Variants in PSD3 observed in about 807,000 individuals in gnomAD.
PSD3 encodes the protein pleckstrin and Sec7 domain containing 3, also known as PH and SEC7 domain-containing protein 3.
A neutral mutation model predicts 105.5 loss-of-function variants in PSD3; 49 were observed. That is an observed-to-expected ratio of 0.46 (90% CI 0.37 to 0.59). The LOEUF is 0.59. Among genes scored for constraint, PSD3 ranks in the 20% least tolerant of loss-of-function variants. The pLI, the probability that PSD3 is intolerant of heterozygous loss-of-function variation, is 0.00. For synonymous variants in PSD3, 557 were observed against 457.8 expected (o/e 1.22, Z -2.77); for missense variants, 1,561 against 1,263.8 (o/e 1.24, Z -3.57).
intron 2 of PSD3, among the ~76,000 whole-genome samples, chr8:18,880,947 G>A (rs1170561860): frequency 6.6e-6 from 1 of 152,138 alleles, no homozygotes; most frequent in Non-Finnish European, 1.5e-5. Context: ...TCCCCTTAAA[G>A]AAATGAAAAT....
intron 9 of PSD3, among the ~76,000 whole-genome samples, chr8:18,676,668 C>T (rs1363156386): frequency 6.6e-6 from 1 of 152,200 alleles, no homozygotes; most frequent in Non-Finnish European, 1.5e-5. Context: ...ACTATTACAA[C>T]CAGATATGCT....
At chr8:18,836,751 A>G (rs985836421) in intron 4 of PSD3, among the ~76,000 whole-genome samples, 2 of 152,168 alleles carry the variant, frequency 1.3e-5, no homozygotes, top group African/African-American at 4.8e-5. Flanking sequence ...TGCAAATGCT[A>G]TGACAATAAT....
chr8:19,026,701 C>CAAAAAAAAA (rs10669321), intron 1 of PSD3, among the ~76,000 whole-genome samples: 6 of 82,234 alleles, frequency 7.3e-5, no homozygotes, highest in Non-Finnish European at 9.1e-5. Flanking sequence ...CACATCTCTA[C>CAAAAAAAAA]AAAAAAAAAA....
chr8:18,743,619 T>C (rs1804750065), intron 9 of PSD3, among the ~76,000 whole-genome samples: 1 of 152,030 alleles, frequency 6.6e-6, no homozygotes, highest in African/African-American at 2.4e-5. Flanking sequence ...TGGAGTGAAG[T>C]TCCCTGGATA....
intron 9 of PSD3, among the ~76,000 whole-genome samples, chr8:18,668,353 G>A (rs1309639885): frequency 1.3e-5 from 2 of 152,154 alleles, no homozygotes; most frequent in Non-Finnish European, 2.9e-5. Flanking sequence ...TTCATGTTTC[G>A]CCTGGTATTT....
intron 9 of PSD3, among the ~76,000 whole-genome samples, chr8:18,706,878 A>C (rs1801936322): frequency 6.6e-6 from 1 of 152,228 alleles, no homozygotes; most frequent in African/African-American, 2.4e-5. Flanking sequence ...GTCCTGGTTA[A>C]ACCAGCTTAG....
intron 12 of PSD3, among the ~76,000 whole-genome samples, chr8:18,590,648 G>A (rs1290343205): frequency 6.6e-6 from 1 of 152,068 alleles, no homozygotes; most frequent in Non-Finnish European, 1.5e-5. Context: ...AAAGAGATAT[G>A]TGCATGTGTG....
intron 11 of PSD3, among the ~76,000 whole-genome samples, chr8:18,615,931 T>A (rs987253527): frequency 6.6e-6 from 1 of 152,384 alleles, no homozygotes; most frequent in East Asian, 1.9e-4. Context: ...ATCTTTAAAA[T>A]GCCTCCGGGC....
At chr8:19,067,144 G>A (rs1020079524) in intron 1 of PSD3, among the ~76,000 whole-genome samples, 5 of 152,166 alleles carry the variant, frequency 3.3e-5, no homozygotes, top group Non-Finnish European at 5.9e-5. Context: ...ATCAGTTTGC[G>A]GGAACTGTAA....
chr8:18,742,382 T>G (rs75864135), intron 9 of PSD3, among the ~76,000 whole-genome samples: 5,211 of 152,082 alleles, frequency 0.034, 209 homozygotes, highest in East Asian at 0.15. Flanking sequence ...TCAGGCTGAG[T>G]TCTCTAGTAA....
At chr8:18,552,323 C>T (rs1800815119) in intron 15 of PSD3, among the ~76,000 whole-genome samples, 2 of 152,298 alleles carry the variant, frequency 1.3e-5, no homozygotes, top group East Asian at 1.9e-4. Flanking sequence ...TCATCTTAAA[C>T]GTTGCATCTG....
intron 1 of PSD3, among the ~76,000 whole-genome samples, chr8:19,067,365 G>T (rs748924695): frequency 3.3e-5 from 5 of 152,108 alleles, no homozygotes; most frequent in Non-Finnish European, 5.9e-5. Flanking sequence ...CTCATCCAAG[G>T]CTTCATTTGA....
At chr8:18,572,474 C>A (rs1038669992) in intron 14 of PSD3, 54 bp downstream of exon 14, 212 of 1,576,054 alleles carry the variant, frequency 1.3e-4, no homozygotes, top group Non-Finnish European at 1.8e-4. Flanking sequence ...ATATTTATCA[C>A]ATTATTTTAC....
intron 9 of PSD3, among the ~76,000 whole-genome samples, chr8:18,751,341 G>A (rs111514843): frequency 0.17 from 24,083 of 141,292 alleles, 3,594 homozygotes; most frequent in African/African-American, 0.4. Context: ...AGTTGTTCCA[G>A]TTTCTTTTTT....
rs536177284 is a variant in PSD3, at chr8:18,534,867, G to A, written c.*876C>T. 1 of 152,632 alleles carries A rather than the reference G, an allele frequency of 6.6e-6. No homozygotes were observed. Among genetic ancestry groups the A allele is most frequent in the Admixed American group, 6.6e-5 (1 of 15,264 alleles). The allele number at this position is 152,632 out of a possible 1,614,324, so 9.5% of individuals were successfully genotyped here. ...AAGAAAAATCTATTCCTGGATGGAA[G>A]GATATCAACGATAGAGATGATGGAT... On this transcript the variant is annotated 3_prime_UTR_variant, in exon 16 of 16. Coordinates refer to ENST00000327040, the MANE Select transcript of PSD3 (RefSeq NM_015310.4).
chr8:18,636,795 C>A (rs1807286549), intron 10 of PSD3, among the ~76,000 whole-genome samples: 1 of 152,136 alleles, frequency 6.6e-6, no homozygotes, highest in South Asian at 2.1e-4. Flanking sequence ...AGGATTATAG[C>A]CTAGGAGCAA....
chr8:18,986,897 AC>A (rs2129473175), intron 1 of PSD3, among the ~76,000 whole-genome samples: 1 of 152,156 alleles, frequency 6.6e-6, no homozygotes, highest in African/African-American at 2.4e-5. Flanking sequence ...GACCTCACAC[AC>A]CGTGGGCCTA....
At chr8:19,044,574 T>C (rs1448343840) in intron 1 of PSD3, among the ~76,000 whole-genome samples, 3 of 152,234 alleles carry the variant, frequency 2.0e-5, no homozygotes, top group Non-Finnish European at 2.9e-5. Context: ...AAAGTATCTT[T>C]TGTTCTTTTT....
chr8:18,565,314 G>A (rs1036819260), intron 14 of PSD3, among the ~76,000 whole-genome samples: 1 of 152,170 alleles, frequency 6.6e-6, no homozygotes, highest in African/African-American at 2.4e-5. Flanking sequence ...AGCTACACCA[G>A]AAGGAGAAGC....
Sources: allele counts gnomAD v4.1 joint callset (sites outside exome capture counted in the v4.1 genomes callset), GRCh38; gene constraint gnomAD v4.1.1; transcripts MANE v1.5; gene names NCBI Gene and HGNC (gene_info 2026-07-23, HGNC 2026-07-21).